CHP1: variants seen among roughly 807,000 people sequenced by gnomAD.
CHP1 encodes the protein calcineurin like EF-hand protein 1, also known as calcineurin B homologous protein 1.
A neutral mutation model predicts 27.4 loss-of-function variants in CHP1; 11 were observed. The observed-to-expected ratio is 0.40, with a 90% CI of 0.25 to 0.67. CHP1 has a LOEUF of 0.67. Among genes scored for constraint, CHP1 ranks in the 30% least tolerant of loss-of-function variants. The pLI is 0.38. For synonymous variants in CHP1, 89 were observed against 87.4 expected, an observed-to-expected ratio of 1.02 and a Z score of -0.10; for missense variants, 169 against 251.3, an observed-to-expected ratio of 0.67 and a Z score of 2.22.
intron 3 of CHP1, among the ~76,000 whole-genome samples, chr15:41,262,078 A>G (rs368424031): frequency 6.6e-6 from 1 of 151,590 alleles, no homozygotes; most frequent in East Asian, 1.9e-4. Flanking sequence ...CTAAGGCAGG[A>G]GAATTGCTTG....
chr15:41,249,503 C>T (rs1324695103), intron 2 of CHP1, among the ~76,000 whole-genome samples: 1 of 118,840 alleles, frequency 8.4e-6, no homozygotes, highest in Admixed American at 1.1e-4. Context: ...GATGGAGTCT[C>T]GCTCTGTCGT....
intron 2 of CHP1, among the ~76,000 whole-genome samples, chr15:41,245,763 ACT>A (rs1490201190): frequency 6.6e-6 from 1 of 151,796 alleles, no homozygotes; most frequent in Non-Finnish European, 1.5e-5. Context: ...TTGTCTTTTC[ACT>A]CTCTTTGTAG....
chr15:41,241,589 C>G (rs2047307350), intron 1 of CHP1, among the ~76,000 whole-genome samples: 1 of 152,238 alleles, frequency 6.6e-6, no homozygotes, highest in Admixed American at 6.5e-5. Flanking sequence ...CCACAACTGT[C>G]TCCTTAGTGG....
intron 3 of CHP1, among the ~76,000 whole-genome samples, chr15:41,262,101 G>A (rs1411495867): frequency 1.3e-5 from 2 of 151,954 alleles, no homozygotes; most frequent in Admixed American, 6.6e-5. Flanking sequence ...CCCGGGAGGC[G>A]GAGGTTGCAG....
rs892574782 is a variant in CHP1, at chr15:41,281,294, G to C, written c.*1905G>C. Reference sequence around the variant, plus strand: ...CATTAGCTCCCTGGCTTCTTGTTTAGACCACTGCTAATCCCTTAAAAACAA... The same window carrying C: ...CATTAGCTCCCTGGCTTCTTGTTTACACCACTGCTAATCCCTTAAAAACAA... On this transcript the variant is annotated 3_prime_UTR_variant, in exon 7 of 7. Transcript: ENST00000334660. 6.6e-6 allele frequency: 1 copy of C among 152,502 alleles called. No individual in the cohort carries two copies. The highest frequency in any genetic ancestry group is 1.5e-5 in the Non-Finnish European group (1 of 68,058). 9.4% of individuals were successfully genotyped at this position (152,502 alleles called of 1,614,324 possible).
chr15:41,251,234 C>G (rs988591306), intron 2 of CHP1, among the ~76,000 whole-genome samples: 5 of 152,260 alleles, frequency 3.3e-5, no homozygotes, highest in Admixed American at 3.3e-4. Context: ...GGAAGACTAT[C>G]CAGCCTCCAG....
At chr15:41,243,294 C>A (rs1043336307) in intron 1 of CHP1, among the ~76,000 whole-genome samples, 1 of 151,486 alleles carries the variant, frequency 6.6e-6, no homozygotes, top group Non-Finnish European at 1.5e-5. Flanking sequence ...TGAGTGAGAT[C>A]GTGCCACTGC....
Position 41,270,559 on chromosome 15 carries a change from G to A in CHP1, c.352G>A (p.Ala118Thr). Residue 118 changes from alanine (A) to threonine (T), a missense_variant and splice_region_variant, in exon 5 of 7, where the codon GCT becomes ACT. Transcript: ENST00000334660. ...AACTTTGTGTTTTTCCCTTACAGTTGCTTTTCGACTATATGATTTGGATAA... is the reference window on the plus strand; with the variant it reads ...AACTTTGTGTTTTTCCCTTACAGTTACTTTTCGACTATATGATTTGGATAA... ...LNSRSNKLHF[A>T]FRLYDLDKDE... The A allele has an allele frequency of 6.2e-7, 1 of 1,613,350 alleles. No homozygotes were observed. The highest frequency in any genetic ancestry group is 1.1e-5 in the South Asian group (1 of 91,060).
At chr15:41,243,234 G>A (rs575212086) in intron 1 of CHP1, among the ~76,000 whole-genome samples, 7 of 152,226 alleles carry the variant, frequency 4.6e-5, no homozygotes, top group African/African-American at 7.2e-5. Context: ...CCAGCTACTC[G>A]GGAGGCTGAG....
intron 2 of CHP1, among the ~76,000 whole-genome samples, chr15:41,253,860 T>C (rs1030425365): frequency 6.6e-6 from 1 of 151,740 alleles, no homozygotes; most frequent in Admixed American, 6.6e-5. Flanking sequence ...CCATGGCTCC[T>C]TGCAGCCTTG....
At chr15:41,237,662 T>C (rs2047284385) in intron 1 of CHP1, among the ~76,000 whole-genome samples, 1 of 152,192 alleles carries the variant, frequency 6.6e-6, no homozygotes, top group Non-Finnish European at 1.5e-5. Flanking sequence ...CTTGTAATCT[T>C]TACATAGGTT....
chr15:41,251,466 G>T (rs1322236231), intron 2 of CHP1, among the ~76,000 whole-genome samples: 1 of 152,158 alleles, frequency 6.6e-6, no homozygotes, highest in Non-Finnish European at 1.5e-5. Context: ...GACCCCTGGG[G>T]TCCCCAACCT....
chr15:41,249,599 A>G (rs2047354307), intron 2 of CHP1, among the ~76,000 whole-genome samples: 1 of 149,934 alleles, frequency 6.7e-6, no homozygotes, highest in Non-Finnish European at 1.5e-5. Context: ...CAGCCAACCG[A>G]GTAGCTGGGA....
intron 3 of CHP1, among the ~76,000 whole-genome samples, chr15:41,262,163 A>AAAAT (rs1226112909): frequency 6.6e-6 from 1 of 152,088 alleles, no homozygotes; most frequent in Non-Finnish European, 1.5e-5. Flanking sequence ...ACTCTGTCTC[A>AAAAT]AAATAAATAA....
rs757171382 is a variant in CHP1, at chr15:41,243,696, A to G, written c.97A>G (p.Ser33Gly). ...FSHSQITRLY[S>G]RFTSLDKGEN... ...CCACAGTCAAATCACTCGCCTCTACAGCCGGTTCACCAGCCTGGACAAAGG... is the reference window on the plus strand; with the variant it reads ...CCACAGTCAAATCACTCGCCTCTACGGCCGGTTCACCAGCCTGGACAAAGG... Residue 33 changes from serine (S) to glycine (G), a missense_variant, in exon 2 of 7, where the codon AGC (serine) becomes GGC (glycine). Ser to Gly is a moderately conservative substitution (Grantham distance 56). Transcript: ENST00000334660. 5.0e-6 allele frequency: 8 copies of G among 1,613,982 alleles called. No homozygotes were observed. Among genetic ancestry groups the G allele is most frequent in the Non-Finnish European group, 6.8e-6 (8 of 1,180,004 alleles).
At chr15:41,241,563 C>T (rs192327238) in intron 1 of CHP1, among the ~76,000 whole-genome samples, 6 of 152,320 alleles carry the variant, frequency 3.9e-5, no homozygotes, top group African/African-American at 1.4e-4. Context: ...TATACCTGTC[C>T]GGCTGGCAAA....
intron 1 of CHP1, among the ~76,000 whole-genome samples, chr15:41,238,438 C>G (rs1387163157): frequency 6.6e-6 from 1 of 152,076 alleles, no homozygotes; most frequent in Non-Finnish European, 1.5e-5. Context: ...GCTAGGATTA[C>G]AGGCATGAGC....
intron 1 of CHP1, among the ~76,000 whole-genome samples, chr15:41,239,693 T>C (rs984350264): frequency 8.5e-5 from 13 of 152,152 alleles, no homozygotes; most frequent in Non-Finnish European, 1.6e-4. Context: ...CACCAGGCCT[T>C]GCCACATTTT....
intron 2 of CHP1, among the ~76,000 whole-genome samples, chr15:41,252,940 T>G (rs1360583342): frequency 1.5e-5 from 2 of 129,720 alleles, no homozygotes; most frequent in African/African-American, 3.0e-5. Flanking sequence ...TTTTTTTTTT[T>G]TTTTTTTTTT....
Sources: gnomAD v4.1 joint callset for allele counts (sites outside exome capture counted in the v4.1 genomes callset) on GRCh38, gnomAD v4.1.1 for gene constraint, MANE v1.5 for transcripts, NCBI Gene and HGNC (gene_info 2026-07-23, HGNC 2026-07-21) for gene names.